ZC3H14: variants seen among roughly 807,000 people sequenced by gnomAD.
ZC3H14 encodes zinc finger CCCH-type containing 14.
ZC3H14 carries 31 observed loss-of-function variants against 92.4 expected under a neutral mutation model. The ratio of observed to expected loss-of-function variants is 0.34; its 90% confidence interval spans 0.25 to 0.45. ZC3H14 has a LOEUF of 0.45. ZC3H14 is among the 20% of genes least tolerant of loss of function. ZC3H14 has a pLI of 1.00. For synonymous variants in ZC3H14, 321 were observed against 300.9 expected (o/e 1.07, Z -0.69); for missense variants, 781 against 897.3 (o/e 0.87, Z 1.66).
At chr14:88,574,664 A>C in intron 6 of ZC3H14, 29 bp from the exon 7 acceptor site, 1 of 1,613,412 alleles carries the variant, frequency 6.2e-7, no homozygotes, top group Non-Finnish European at 8.5e-7. Flanking sequence ...TTCTGAGATT[A>C]GGTAAGCATA....
intron 6 of ZC3H14, chr14:88,574,412 A>G (rs1206445408): frequency 8.1e-6 from 3 of 368,214 alleles, no homozygotes; most frequent in Non-Finnish European, 1.6e-5. Flanking sequence ...CGCTCAGCTA[A>G]TTTTTGTATT....
chr14:88,616,542 TG>T lies in ZC3H14; in HGVS notation c.*4793del, dbSNP rs1595175075. The T allele has an allele frequency of 3.0e-5, 19 of 628,040 alleles. No individual in the cohort carries two copies. In the East Asian group the frequency reaches 4.7e-4, roughly 16 times the overall value. The allele number at this position is 628,040 out of a possible 1,614,324, so 38.9% of individuals were successfully genotyped here. ...AGCTTTTGTAGGATGGTTCCAAAGA[TG>T]GTATTACTCGAGGGAGAGGATTTGT... is the stretch of plus-strand genomic sequence containing the variant. On this transcript the variant is annotated 3_prime_UTR_variant, in exon 17 of 17. Coordinates refer to ENST00000251038, the MANE Select transcript of ZC3H14 (RefSeq NM_024824.5).
At position 88,617,147 on chromosome 14, in the gene ZC3H14, TTTC is replaced by T. The variant is rs1414263215; in HGVS notation, c.*5399_*5401del. The T allele has an allele frequency of 2.4e-5, 6 of 251,328 alleles. No individual in the cohort carries two copies. Among genetic ancestry groups the T allele is most frequent in the East Asian group, 7.3e-5 (1 of 13,662 alleles). The allele number at this position is 251,328 out of a possible 1,614,324, so 15.6% of individuals were successfully genotyped here. The stretch of plus-strand genomic sequence containing the variant: ...TTTATGAAAACTGATAGAACTATTT[TTTC>T]TTTTTTTTTTTTTGAGACGGAGTTT... On this transcript the variant is annotated 3_prime_UTR_variant, in exon 17 of 17. Transcript: ENST00000251038.
chr14:88,623,503 C>G lies in ZC3H14; in HGVS notation c.*11752C>G, dbSNP rs2140348929. 1 of 151,322 alleles carries G rather than the reference C, an allele frequency of 6.6e-6. No individual in the cohort carries two copies. The highest frequency in any genetic ancestry group is 2.1e-4 in the South Asian group (1 of 4,752). 9.4% of individuals were successfully genotyped at this position (151,322 alleles called of 1,614,324 possible). ...TGGTGTGATCTCGGCTCACTGCAAC[C>G]TGTGCCTCCCAGGTTCAAGCGATTC... On this transcript the variant is annotated 3_prime_UTR_variant, in exon 17 of 17. Coordinates refer to ENST00000251038, the MANE Select transcript of ZC3H14 (RefSeq NM_024824.5).
chr14:88,574,928 C>T, intron 7 of ZC3H14, 75 bp downstream of exon 7: 1 of 1,602,060 alleles, frequency 6.2e-7, no homozygotes, highest in Admixed American at 1.7e-5. Flanking sequence ...AGAGAATAAT[C>T]ACGAAAATAA....
intron 16 of ZC3H14, among the ~76,000 whole-genome samples, chr14:88,611,460 G>A (rs1208395892): frequency 6.6e-6 from 1 of 152,110 alleles, no homozygotes; most frequent in East Asian, 1.9e-4. Context: ...ATATATATGT[G>A]TACTGTACTT....
chr14:88,595,174 T>C, intron 9 of ZC3H14: 1 of 1,593,694 alleles, frequency 6.3e-7, no homozygotes, highest in Non-Finnish European at 8.5e-7. Flanking sequence ...TTTCCACGTA[T>C]GTTGACTGTA....
chr14:88,625,245 G>A lies in ZC3H14; in HGVS notation c.*13494G>A, dbSNP rs191051852. The A allele has an allele frequency of 2.4e-5, 29 of 1,191,396 alleles. No individual in the cohort carries two copies. In the Admixed American group the frequency reaches 4.5e-4, roughly 19 times the overall value. 73.8% of individuals were successfully genotyped at this position (1,191,396 alleles called of 1,614,324 possible). A position where few individuals can be genotyped will look rare whatever the true frequency, so the allele number is the denominator to read the frequency against. ...ACCCTTGATACAAAGAGCATGCATCGTGTAGTGGCAGCAGCACTGAATTCA... is the reference window on the plus strand; with the variant it reads ...ACCCTTGATACAAAGAGCATGCATCATGTAGTGGCAGCAGCACTGAATTCA... On this transcript the variant is annotated 3_prime_UTR_variant, in exon 17 of 17. Coordinates refer to ENST00000251038, the MANE Select transcript of ZC3H14 (RefSeq NM_024824.5).
At chr14:88,580,479 C>A (rs1474010169) in intron 9 of ZC3H14, among the ~76,000 whole-genome samples, 4 of 151,864 alleles carry the variant, frequency 2.6e-5, no homozygotes. Flanking sequence ...CAGAAAACAG[C>A]AATTTAAAAA....
At chr14:88,595,692 G>A (rs1237601106) in intron 9 of ZC3H14, among the ~76,000 whole-genome samples, 3 of 152,126 alleles carry the variant, frequency 2.0e-5, no homozygotes, top group African/African-American at 7.2e-5. Flanking sequence ...ATTTCAAATC[G>A]AGTATAGGTT....
Position 88,627,434 on chromosome 14 carries a change from G to T in ZC3H14, c.*15683G>T. ...GTGAATCATTTATAATGCTAATAAT[G>T]GTTTCATTAATTTATCTGTTTTGTG... On this transcript the variant is annotated 3_prime_UTR_variant, in exon 17 of 17. Coordinates refer to ENST00000251038, the MANE Select transcript of ZC3H14 (RefSeq NM_024824.5). 1 of 519,832 alleles carries T rather than the reference G, an allele frequency of 1.9e-6. No homozygotes were observed. Among genetic ancestry groups the T allele is most frequent in the Non-Finnish European group, 3.3e-6 (1 of 299,496 alleles). The allele number at this position is 519,832 out of a possible 1,614,324, so 32.2% of individuals were successfully genotyped here.
intron 2 of ZC3H14, among the ~76,000 whole-genome samples, chr14:88,567,597 G>A (rs2079871023): frequency 6.6e-6 from 1 of 152,060 alleles, no homozygotes; most frequent in African/African-American, 2.4e-5. Flanking sequence ...TTGTTACTGT[G>A]AGTAATTGAA....
intron 12 of ZC3H14, among the ~76,000 whole-genome samples, chr14:88,603,818 C>A (rs2084953806): frequency 6.6e-6 from 1 of 152,162 alleles, no homozygotes; most frequent in South Asian, 2.1e-4. Flanking sequence ...TTGAGTAATC[C>A]TCTTCTTGGA....
At chr14:88,595,067 C>A (rs776081892) in intron 9 of ZC3H14, 2 of 1,613,142 alleles carry the variant, frequency 1.2e-6, no homozygotes, top group East Asian at 4.5e-5. Context: ...CAGTCAAGAA[C>A]TACTGATGTA....
Position 88,622,606 on chromosome 14 carries a change from T to TGC in ZC3H14, c.*10856_*10857dup. The TGC allele has an allele frequency of 6.3e-7, 1 of 1,597,342 alleles. No homozygotes were observed. Among genetic ancestry groups the TGC allele is most frequent in the Non-Finnish European group, 8.5e-7 (1 of 1,171,614 alleles). ...TATCAGCTCATGGAACATCTTACTT[T>TGC]GCCTCTGCACACAGAACGAACACAA... On this transcript the variant is annotated 3_prime_UTR_variant, in exon 17 of 17. Coordinates refer to ENST00000251038, the MANE Select transcript of ZC3H14 (RefSeq NM_024824.5).
intron 10 of ZC3H14, among the ~76,000 whole-genome samples, chr14:88,599,891 G>A (rs1595755107): frequency 1.3e-5 from 2 of 152,118 alleles, no homozygotes; most frequent in East Asian, 3.9e-4. Flanking sequence ...TAATAACTTG[G>A]AGCTGCAAAC....
Position 88,602,974 on chromosome 14 carries a change from AC to A in ZC3H14, c.1662del (p.Asn554LysfsTer16). On this transcript the variant is annotated frameshift_variant, in exon 12 of 17. Coordinates refer to ENST00000251038, the MANE Select transcript of ZC3H14 (RefSeq NM_024824.5). LOFTEE classifies it high-confidence loss of function. ...MKPVNQTAAS[N>X]KGLRGLLHPQ... ...CCCGTAAACCAAACTGCAGCCTCAA[AC>A]AAGGGACTCAGAGGTCTCCTCCACC... The A allele has an allele frequency of 6.8e-6, 11 of 1,614,136 alleles. No homozygotes were observed. The highest frequency in any genetic ancestry group is 7.6e-6 in the Non-Finnish European group (9 of 1,180,024).
In ZC3H14 at chr14:88,616,962, C is replaced by A; in HGVS notation, c.*5211C>A. On this transcript the variant is annotated 3_prime_UTR_variant, in exon 17 of 17. Coordinates refer to ENST00000251038, the MANE Select transcript of ZC3H14 (RefSeq NM_024824.5). ...TTCAAAAAGTTTCTTGGCAATTAAT[C>A]TCTAAGTACCCTATCATGTTACTTA... 1 of 1,298,794 alleles carries A rather than the reference C, an allele frequency of 7.7e-7. No individual in the cohort carries two copies. Among genetic ancestry groups the A allele is most frequent in the Non-Finnish European group, 1.1e-6 (1 of 923,480 alleles). 80.5% of individuals were successfully genotyped at this position (1,298,794 alleles called of 1,614,324 possible).
At position 88,578,040 on chromosome 14, in the gene ZC3H14, A is replaced by G; in HGVS notation, c.1179A>G (p.Glu393=). 6.2e-7 allele frequency: 1 copy of G among 1,614,182 alleles called. No individual in the cohort carries two copies. Among genetic ancestry groups the G allele is most frequent in the South Asian group, 1.1e-5 (1 of 91,088 alleles). Residue 393 remains glutamate, a synonymous_variant, in exon 9 of 17, where the codon GAA becomes GAG. Coordinates refer to ENST00000251038, the MANE Select transcript of ZC3H14 (RefSeq NM_024824.5). ...CCAGAACTCGAACTTCTCAAGAAGAATTGCTAGCAGAAGTGGTCCAGGGAC... is the reference window on the plus strand; with the variant it reads ...CCAGAACTCGAACTTCTCAAGAAGAGTTGCTAGCAGAAGTGGTCCAGGGAC... ...VAPRTRTSQE[E]LLAEVVQGQS...
Sources: gnomAD v4.1 joint callset for allele counts (sites outside exome capture counted in the v4.1 genomes callset) on GRCh38, gnomAD v4.1.1 for gene constraint, MANE v1.5 for transcripts, NCBI Gene and HGNC (gene_info 2026-07-23, HGNC 2026-07-21) for gene names.